The following CCDC178 variants were observed in gnomAD, a reference collection of about 807,000 sequenced individuals.
The protein encoded by CCDC178 is coiled-coil domain-containing protein 178.
CCDC178 carries 126 observed loss-of-function variants against 117.4 expected under a neutral mutation model. The ratio of observed to expected loss-of-function variants is 1.07; its 90% CI spans 0.93 to 1.24. The LOEUF is 1.24. CCDC178 is among the 50% of genes most tolerant of loss of function. The pLI, the probability that CCDC178 is intolerant of heterozygous loss-of-function variation, is 0.00. For missense variants in CCDC178, 1,030 were observed against 986.9 expected, an observed-to-expected ratio of 1.04 and a Z score of -0.59; for synonymous variants, 283 against 313.4, an observed-to-expected ratio of 0.90 and a Z score of 1.02.
intron 4 of CCDC178, among the ~76,000 whole-genome samples, chr18:33,394,190 C>T (rs1185695465): frequency 1.3e-5 from 2 of 151,442 alleles, no homozygotes; most frequent in Non-Finnish European, 2.9e-5. Flanking sequence ...ATAAATTTAC[C>T]ATAATTTATT....
chr18:33,056,804 C>T (rs565721066), intron 21 of CCDC178, among the ~76,000 whole-genome samples: 3 of 152,048 alleles, frequency 2.0e-5, no homozygotes, highest in Admixed American at 6.5e-5. Context: ...TACTTAATCA[C>T]GTATTGTGAG....
intron 14 of CCDC178, among the ~76,000 whole-genome samples, chr18:33,265,465 C>A (rs527945678): frequency 6.6e-6 from 1 of 152,100 alleles, no homozygotes; most frequent in Admixed American, 6.6e-5. Context: ...ACAGGATAGT[C>A]AGCTGTAATC....
chr18:33,189,219 A>G (rs546019599), intron 20 of CCDC178, among the ~76,000 whole-genome samples: 23 of 152,308 alleles, frequency 1.5e-4, no homozygotes, highest in African/African-American at 5.5e-4. Flanking sequence ...ATGGAAATGA[A>G]GATTTGTGTC....
At chr18:33,091,523 G>A (rs1195469307) in intron 21 of CCDC178, among the ~76,000 whole-genome samples, 1 of 151,378 alleles carries the variant, frequency 6.6e-6, no homozygotes, top group Non-Finnish European at 1.5e-5. Context: ...TTTTAGTGGA[G>A]GCAGGGTTTC....
At chr18:33,152,893 G>A (rs1488017701) in intron 20 of CCDC178, among the ~76,000 whole-genome samples, 2 of 151,886 alleles carry the variant, frequency 1.3e-5, no homozygotes, top group Admixed American at 6.6e-5. Context: ...ATACTTTGAA[G>A]TTAGACACGA....
chr18:33,420,332 T>A (rs2144930277), intron 2 of CCDC178, among the ~76,000 whole-genome samples: 1 of 152,238 alleles, frequency 6.6e-6, no homozygotes, highest in East Asian at 1.9e-4. Flanking sequence ...TAGGTTGGTA[T>A]AAAAATAATT....
intron 20 of CCDC178, among the ~76,000 whole-genome samples, chr18:33,124,277 T>C (rs2057974540): frequency 6.6e-6 from 1 of 152,160 alleles, no homozygotes; most frequent in African/African-American, 2.4e-5. Flanking sequence ...GCAACAGCCT[T>C]GGAACAACAG....
intron 21 of CCDC178, among the ~76,000 whole-genome samples, chr18:33,003,785 A>G (rs2055693297): frequency 1.3e-5 from 2 of 152,150 alleles, no homozygotes; most frequent in African/African-American, 4.8e-5. Flanking sequence ...AAAAACCTAA[A>G]GACGCCACCA....
chr18:33,167,081 C>T (rs1324428428), intron 20 of CCDC178, among the ~76,000 whole-genome samples: 1 of 152,148 alleles, frequency 6.6e-6, no homozygotes, highest in African/African-American at 2.4e-5. Flanking sequence ...CCTCCAGCTC[C>T]ATTCATGTTG....
intron 21 of CCDC178, among the ~76,000 whole-genome samples, chr18:33,035,034 T>C (rs892788878): frequency 2.0e-5 from 3 of 151,930 alleles, no homozygotes; most frequent in Non-Finnish European, 4.4e-5. Flanking sequence ...TGAGACATGT[T>C]TATTTAAGGT....
intron 21 of CCDC178, among the ~76,000 whole-genome samples, chr18:33,035,468 G>A (rs1007617715): frequency 3.9e-5 from 6 of 151,950 alleles, no homozygotes; most frequent in African/African-American, 1.2e-4. Flanking sequence ...TTGTGACAAC[G>A]TGGATGAATC....
At chr18:33,197,254 C>T (rs1397682118) in intron 20 of CCDC178, among the ~76,000 whole-genome samples, 1 of 152,132 alleles carries the variant, frequency 6.6e-6, no homozygotes, top group Non-Finnish European at 1.5e-5. Context: ...GTCTCAAACT[C>T]CTAGACTCAA....
chr18:33,379,125 A>ATT (rs1555695385), intron 5 of CCDC178, among the ~76,000 whole-genome samples: 485 of 6,736 alleles, frequency 0.072, 7 homozygotes, highest in African/African-American at 0.079. Flanking sequence ...ATATATATAT[A>ATT]ATATATATAT....
At chr18:33,309,614 A>G (rs1226549031) in intron 11 of CCDC178, among the ~76,000 whole-genome samples, 3 of 152,168 alleles carry the variant, frequency 2.0e-5, no homozygotes, top group African/African-American at 7.2e-5. Flanking sequence ...AAATGCCGAC[A>G]TCTGAAAAAC....
intron 20 of CCDC178, among the ~76,000 whole-genome samples, chr18:33,127,424 T>C (rs992937577): frequency 2.0e-5 from 3 of 152,146 alleles, no homozygotes; most frequent in Non-Finnish European, 2.9e-5. Context: ...ATATTTTAAC[T>C]GATCAGTTTT....
At chr18:33,356,464 G>T (rs753816957) in intron 6 of CCDC178, 118 bp from the exon 7 acceptor site, 3 of 1,061,294 alleles carry the variant, frequency 2.8e-6, no homozygotes, top group Non-Finnish European at 3.8e-6. Context: ...TTATATTTTT[G>T]TGTACTTATA....
In CCDC178 at chr18:33,328,082, G is replaced by GTTTTTTTTTTT. The variant is rs2062609334; in HGVS notation, c.880-4450_880-4449insAAAAAAAAAAA. 2.0e-4 allele frequency: 48 copies of GTTTTTTTTTTT among 242,060 alleles called. 14 individuals carry two copies. Among genetic ancestry groups the GTTTTTTTTTTT allele is most frequent in the African/African-American group, 1.5e-3 (47 of 30,392 alleles). 15.0% of individuals were successfully genotyped at this position (242,060 alleles called of 1,614,324 possible). On this transcript the variant is annotated intron_variant, in intron 10 of 22. Transcript: ENST00000383096. ...CCAAGGTCATAAAGATTTATCCCTAGATTTTTTTTTTTTTTTTTTTTTTTT... is the reference window on the plus strand; with the variant it reads ...CCAAGGTCATAAAGATTTATCCCTAGTTTTTTTTTTTATTTTTTTTTTTTTTTTTTTTTTTT...
rs76081326 is a variant in CCDC178, at chr18:33,006,036, A to T, written c.2389-31355T>A. On this transcript the variant is annotated intron_variant, in intron 21 of 22. Coordinates refer to ENST00000383096, the MANE Select transcript of CCDC178 (RefSeq NM_001105528.4). ...AAGCACATTTCTTTTTCAATATGAG[A>T]TAATTTACAATTTATCAGTTATCAT... Among the ~76,000 whole-genome samples the T allele has an allele frequency of 2.1e-3, 319 of 152,198 alleles. 1 individual carries two copies. The highest frequency in any genetic ancestry group is 7.2e-3 in the African/African-American group (298 of 41,578).
intron 21 of CCDC178, among the ~76,000 whole-genome samples, chr18:33,056,656 T>A (rs1439623884): frequency 1.3e-5 from 2 of 152,150 alleles, no homozygotes; most frequent in African/African-American, 4.8e-5. Flanking sequence ...ATTCACAATA[T>A]TAGAAGTTGG....
Sources: gnomAD v4.1 joint callset for allele counts (sites outside exome capture counted in the v4.1 genomes callset) on GRCh38, gnomAD v4.1.1 for gene constraint, MANE v1.5 for transcripts, NCBI Gene and HGNC (gene_info 2026-07-23, HGNC 2026-07-21) for gene names.